ATIC: variants seen among roughly 807,000 people sequenced by gnomAD.
The protein encoded by ATIC is bifunctional purine biosynthesis protein ATIC.
ATIC carries 64 observed loss-of-function variants against 72.5 expected under a neutral mutation model. The ratio of observed to expected loss-of-function variants is 0.88; its 90% CI spans 0.72 to 1.09. The LOEUF (loss-of-function observed/expected upper bound fraction) is 1.09. ATIC is among the 50% of genes least tolerant of loss of function. The pLI is 0.00. For missense variants in ATIC, 787 were observed against 732.4 expected (o/e 1.07, Z -0.86); for synonymous variants, 281 against 267.1 (o/e 1.05, Z -0.51).
chr2:215,327,141 G>A (rs2052838568), intron 7 of ATIC, among the ~76,000 whole-genome samples, 163 bp downstream of exon 7: 1 of 152,180 alleles, frequency 6.6e-6, no homozygotes, highest in African/African-American at 2.4e-5. Flanking sequence ...GGACTGAAGA[G>A]CACAGAAGTT....
At chr2:215,324,041 C>T (rs1308894871) in intron 4 of ATIC, among the ~76,000 whole-genome samples, 4 of 152,166 alleles carry the variant, frequency 2.6e-5, no homozygotes, top group East Asian at 1.9e-4. Flanking sequence ...GGATTGCAGG[C>T]GTGCGCCACC....
intron 2 of ATIC, among the ~76,000 whole-genome samples, chr2:215,313,204 C>G (rs957800151): frequency 6.6e-6 from 1 of 152,150 alleles, no homozygotes; most frequent in African/African-American, 2.4e-5. Context: ...TAGTCTTAGC[C>G]CCTTCCTTAA....
At chr2:215,318,527 C>T (rs762719666) in intron 3 of ATIC, among the ~76,000 whole-genome samples, 7 of 152,090 alleles carry the variant, frequency 4.6e-5, no homozygotes, top group Non-Finnish European at 7.3e-5. Flanking sequence ...TAGATTTCAT[C>T]GTATGAAAAT....
rs1167200521 is a variant in ATIC at position 215,333,549 on chromosome 2, A to G, written c.922+92A>G. 3 of 922,454 alleles carry G rather than the reference A, an allele frequency of 3.3e-6. No individual in the cohort carries two copies. In the African/African-American group the frequency reaches 5.1e-5, roughly 16 times the overall value. The allele number at this position is 922,454 out of a possible 1,614,324, so 57.1% of individuals were successfully genotyped here. A position where few individuals can be genotyped will look rare whatever the true frequency, so the allele number is the denominator to read the frequency against. On this transcript the variant is annotated intron_variant, in intron 9 of 15. Transcript: ENST00000236959. ...AAAGAGGATAGAATAAAGAAAAAAT[A>G]TATAGATATTCTGTATAATATATAG...
intron 4 of ATIC, among the ~76,000 whole-genome samples, chr2:215,320,501 T>A (rs1226142773): frequency 1.3e-5 from 2 of 152,188 alleles, no homozygotes; most frequent in African/African-American, 2.4e-5. Context: ...GGAGCTGGCA[T>A]ATCCCATGAG....
At chr2:215,337,200 C>G (rs1169670336) in intron 11 of ATIC, among the ~76,000 whole-genome samples, 1 of 151,566 alleles carries the variant, frequency 6.6e-6, no homozygotes, top group Non-Finnish European at 1.5e-5. Context: ...AGTAAAAATT[C>G]CTAATGCTAC....
At chr2:215,324,567 CTGTTTT>C (rs913719988) in intron 4 of ATIC, among the ~76,000 whole-genome samples, 1 of 152,036 alleles carries the variant, frequency 6.6e-6, no homozygotes, top group African/African-American at 2.4e-5. Context: ...TTCTGTTCTT[CTGTTTT>C]TGTTTTTGTT....
At chr2:215,325,850 G>C in intron 5 of ATIC, 137 bp from the exon 6 acceptor site, 3 of 1,073,068 alleles carry the variant, frequency 2.8e-6, no homozygotes, top group Non-Finnish European at 4.1e-6. Flanking sequence ...CCAGGCATGA[G>C]CCACTGCGCC....
chr2:215,349,732 A>G lies in ATIC; in HGVS notation c.*77A>G, dbSNP rs1019773978. ...CCTGAAACTTTGAGGATAACTTTTT[A>G]AAAAAATAAAACAGTATCTCTTAAT... On this transcript the variant is annotated 3_prime_UTR_variant, in exon 16 of 16. Coordinates refer to ENST00000236959, the MANE Select transcript of ATIC (RefSeq NM_004044.7). 1.2e-6 allele frequency: 2 copies of G among 1,608,074 alleles called. No homozygotes were observed. Among genetic ancestry groups the G allele is most frequent in the African/African-American group, 1.3e-5 (1 of 74,780 alleles).
intron 2 of ATIC, among the ~76,000 whole-genome samples, chr2:215,315,391 C>G (rs976553498): frequency 6.6e-6 from 1 of 152,060 alleles, no homozygotes; most frequent in Non-Finnish European, 1.5e-5. Flanking sequence ...GGGTTTTACT[C>G]TGTCACCCAG....
At chr2:215,312,198 G>T in intron 1 of ATIC, 37 bp downstream of exon 1, 1 of 1,488,158 alleles carries the variant, frequency 6.7e-7, no homozygotes, top group Non-Finnish European at 8.9e-7. Flanking sequence ...CTGCGTCCTC[G>T]CCTGCGGCCC....
intron 14 of ATIC, chr2:215,348,654 G>C (rs1465666007): frequency 7.0e-6 from 3 of 429,508 alleles, no homozygotes; most frequent in Non-Finnish European, 1.4e-5. Context: ...TGTAAATAAT[G>C]GTCATTATTT....
rs895303819 is a variant in ATIC at position 215,338,559 on chromosome 2, C to T, written c.1099-220C>T. ...AAAAGACTTTGGAGAAAAATATTAG[C>T]GCCTGGCTGTTGTATCATACCAGAA... is the stretch of plus-strand genomic sequence containing the variant. On this transcript the variant is annotated intron_variant, in intron 11 of 15. Coordinates refer to ENST00000236959, the MANE Select transcript of ATIC (RefSeq NM_004044.7). 5.3e-5 allele frequency among the ~76,000 whole-genome samples: 8 copies of T among 152,150 alleles called. No individual in the cohort carries two copies. The South Asian group carries it at 1.2e-3, about 24-fold the overall frequency.
chr2:215,312,211 C>T (rs1038128274), intron 1 of ATIC, 50 bp downstream of exon 1: 2 of 1,477,164 alleles, frequency 1.4e-6, no homozygotes, highest in Non-Finnish European at 1.8e-6. Flanking sequence ...TGCGGCCCCC[C>T]ACGCTCCCGC....
At chr2:215,367,769 C>T in the ATIC span, 1 of 1,239,084 alleles carries the variant, frequency 8.1e-7, no homozygotes, top group Admixed American at 1.8e-5. Context: ...TTGGAAGAAC[C>T]TGTGTCTTCC....
intron 8 of ATIC, 38 bp downstream of exon 8, chr2:215,332,545 G>A (rs373852805): frequency 4.9e-5 from 79 of 1,608,874 alleles, no homozygotes; most frequent in Non-Finnish European, 6.5e-5. Context: ...AGAATTGTTC[G>A]AAAGGCATTT....
the ATIC span, chr2:215,363,176 C>T: frequency 6.6e-6 from 1 of 152,178 alleles, no homozygotes; most frequent in Non-Finnish European, 1.5e-5. Flanking sequence ...ACAGTTTCCA[C>T]TCCTGTCTTA....
At chr2:215,355,079 C>T in the ATIC span, among the ~76,000 whole-genome samples, 4 of 151,986 alleles carry the variant, frequency 2.6e-5, no homozygotes, top group Non-Finnish European at 5.9e-5. Context: ...CCAAAAAAAG[C>T]AGTGTCCTGC....
chr2:215,362,094 G>A, the ATIC span: 1 of 1,594,548 alleles, frequency 6.3e-7, no homozygotes, highest in Admixed American at 1.7e-5. Flanking sequence ...GAGAGTAGAG[G>A]CATGAAGTCA....
Sources: allele counts gnomAD v4.1 joint callset (sites outside exome capture counted in the v4.1 genomes callset), GRCh38; gene constraint gnomAD v4.1.1; transcripts MANE v1.5; gene names NCBI Gene and HGNC (gene_info 2026-07-23, HGNC 2026-07-21).